The following ATXN7 variants were observed in gnomAD, a reference collection of about 807,000 sequenced individuals.
The protein encoded by ATXN7 is ataxin 7.
ATXN7 carries 12 observed loss-of-function variants against 70.5 expected under a neutral mutation model. That is an observed-to-expected ratio of 0.17 (90% CI 0.11 to 0.28). The LOEUF is 0.28. Among genes scored for constraint, ATXN7 ranks in the 10% least tolerant of loss-of-function variants. The probability of loss-of-function intolerance (pLI) is 1.00; values close to 1 mark genes in which losing one functional copy is unlikely to be tolerated. For synonymous variants in ATXN7, 498 were observed against 448.7 expected (o/e 1.11, Z -1.39); for missense variants, 1,256 against 1,131.7 (o/e 1.11, Z -1.58).
chr3:63,972,336 C>T (rs2075325168), intron 5 of ATXN7, among the ~76,000 whole-genome samples: 2 of 152,048 alleles, frequency 1.3e-5, no homozygotes, highest in Admixed American at 6.6e-5. Context: ...TTTAAATGGG[C>T]GTCATTATGG....
rs756894318 is a variant in ATXN7, at chr3:63,982,495, G to A, written c.1012+50G>A. ...TAATGCTTCTCTATATATTAAATGG[G>A]CATTCGTGGGGAGCAAATCAACTGC... On this transcript the variant is annotated intron_variant, in intron 7 of 12. Coordinates refer to ENST00000674280, the MANE Select transcript of ATXN7 (RefSeq NM_001377405.1). 17 of 1,452,542 alleles carry A rather than the reference G, an allele frequency of 1.2e-5. No homozygotes were observed. In the South Asian group the frequency reaches 2.0e-4, roughly 17 times the overall value. The allele number at this position is 1,452,542 out of a possible 1,614,324, so 90.0% of individuals were successfully genotyped here.
intron 1 of ATXN7, among the ~76,000 whole-genome samples, chr3:63,890,292 CTATT>C (rs1703217584): frequency 6.6e-6 from 1 of 152,120 alleles, no homozygotes; most frequent in Non-Finnish European, 1.5e-5. Flanking sequence ...ATAATTATAT[CTATT>C]AATTTGTATA....
At chr3:63,969,832 T>A (rs887463192) in intron 5 of ATXN7, among the ~76,000 whole-genome samples, 1 of 152,216 alleles carries the variant, frequency 6.6e-6, no homozygotes, top group Non-Finnish European at 1.5e-5. Context: ...GAGGATTGAA[T>A]CAAAAGTAGC....
rs1220694282 is a variant in ATXN7 at position 63,916,695 on chromosome 3, T to C, written c.394+3470T>C. On this transcript the variant is annotated intron_variant, in intron 4 of 12. Coordinates refer to ENST00000674280, the MANE Select transcript of ATXN7 (RefSeq NM_001377405.1). ...TCTTGATTTAGATGGAGGGAAATTA[T>C]TTGTGGTTTAGGTAGTATATCATTC... is the stretch of plus-strand genomic sequence containing the variant. Among the ~76,000 whole-genome samples the C allele has an allele frequency of 3.9e-5, 6 of 152,204 alleles. No individual in the cohort carries two copies. In the East Asian group the frequency reaches 1.2e-3, roughly 29 times the overall value.
rs200285154 is a variant in ATXN7 at position 63,919,599 on chromosome 3, CT to C, written c.394+6383del. Among the ~76,000 whole-genome samples the C allele has an allele frequency of 9.6e-3, 1,454 of 151,336 alleles. 21 individuals are homozygous for C. Among genetic ancestry groups the C allele is most frequent in the African/African-American group, 0.031 (1,299 of 41,268 alleles). ...TTTGTCCACTTTTATCATTCACTAT[CT>C]TTTTTTTTAATTATTATACTTTAAG... is the stretch of plus-strand genomic sequence containing the variant. On this transcript the variant is annotated intron_variant, in intron 4 of 12. Transcript: ENST00000674280.
In ATXN7 at chr3:63,990,180, C is replaced by T. The variant is rs2075646453; in HGVS notation, c.1366C>T (p.Pro456Ser). 5 of 1,612,798 alleles carry T rather than the reference C, an allele frequency of 3.1e-6. No homozygotes were observed. The highest frequency in any genetic ancestry group is 1.7e-5 in the Admixed American group (1 of 59,990). ...KPHTPSLPRP[P>S]GCPAQQGGSA... ...CTGCACTTTCTACTCACCAAGGCCT[C>T]CAGGCTGCCCTGCTCAGCAAGGTGG... The change falls in exon 10 of 13, where the codon CCA (proline) becomes TCA (serine). Residue 456 changes from proline (P) to serine (S), a missense_variant. Physicochemically the swap from Pro to Ser is moderately conservative, Grantham distance 74 (BLOSUM62 -1). Coordinates refer to ENST00000674280, the MANE Select transcript of ATXN7 (RefSeq NM_001377405.1).
intron 4 of ATXN7, 152 bp from the exon 5 acceptor site, chr3:63,952,227 T>G (rs1177108310): frequency 2.2e-6 from 1 of 461,926 alleles, no homozygotes; most frequent in East Asian, 3.4e-5. Context: ...CCTGATTTGA[T>G]TTCTCTGTTT....
chr3:63,954,979 G>T (rs766575157), intron 5 of ATXN7, among the ~76,000 whole-genome samples: 1 of 152,096 alleles, frequency 6.6e-6, no homozygotes, highest in Non-Finnish European at 1.5e-5. Context: ...AAAGTACAGG[G>T]AATATAGGCA....
At chr3:63,976,285 G>T (rs1025888279) in intron 5 of ATXN7, among the ~76,000 whole-genome samples, 1 of 152,178 alleles carries the variant, frequency 6.6e-6, no homozygotes, top group African/African-American at 2.4e-5. Context: ...TTTCCTTCTT[G>T]CTTTCTTGTG....
chr3:63,889,249 A>G (rs1703184459), intron 1 of ATXN7, among the ~76,000 whole-genome samples: 2 of 152,244 alleles, frequency 1.3e-5, no homozygotes, highest in African/African-American at 4.8e-5. Flanking sequence ...AGATATTACA[A>G]TTGATGAAGA....
intron 1 of ATXN7, among the ~76,000 whole-genome samples, chr3:63,895,637 CAG>C (rs1703418011): frequency 6.6e-6 from 1 of 152,132 alleles, no homozygotes; most frequent in African/African-American, 2.4e-5. Context: ...TTGGGCCACT[CAG>C]GGGCTATGGC....
At position 63,912,773 on chromosome 3, in the gene ATXN7, C is replaced by A; in HGVS notation, c.175C>A (p.Arg59=). Residue 59 remains arginine, a synonymous_variant, in exon 3 of 13, where the codon CGG becomes AGG. Transcript: ENST00000674280. ...QHPPPPPRRT[R]PEDGGPGAAS... Reference sequence around the variant, plus strand: ...CCCGCCACCGCCGCCACGGCGCACACGGCCGGAGGACGGCGGGCCCGGCGC... The same window carrying A: ...CCCGCCACCGCCGCCACGGCGCACAAGGCCGGAGGACGGCGGGCCCGGCGC... 1 of 1,467,818 alleles carries A rather than the reference C, an allele frequency of 6.8e-7. No individual in the cohort carries two copies. Among genetic ancestry groups the A allele is most frequent in the Non-Finnish European group, 9.0e-7 (1 of 1,111,212 alleles). The allele number at this position is 1,467,818 out of a possible 1,614,324, so 90.9% of individuals were successfully genotyped here. A position where few individuals can be genotyped will look rare whatever the true frequency, so the allele number is the denominator to read the frequency against.
At chr3:63,994,557 G>T (rs546772225) in intron 11 of ATXN7, among the ~76,000 whole-genome samples, 1 of 152,258 alleles carries the variant, frequency 6.6e-6, no homozygotes, top group African/African-American at 2.4e-5. Context: ...TAAAGCATTT[G>T]CAAATACTTG....
intron 5 of ATXN7, 100 bp from the exon 6 acceptor site, chr3:63,979,815 T>A (rs2075456042): frequency 6.6e-7 from 1 of 1,513,036 alleles, no homozygotes; most frequent in East Asian, 2.3e-5. Flanking sequence ...TAACGACACG[T>A]GTTTTAACCT....
chr3:63,877,927 C>T (rs1047580522), intron 1 of ATXN7, among the ~76,000 whole-genome samples: 2 of 152,152 alleles, frequency 1.3e-5, no homozygotes, highest in African/African-American at 2.4e-5. Context: ...ATATGCCAGT[C>T]CTCTCCTGTG....
chr3:63,998,063 TGA>T (rs2075788353), intron 12 of ATXN7: 1 of 985,298 alleles, frequency 1.0e-6, no homozygotes, highest in African/African-American at 1.7e-5. Flanking sequence ...GCACCGTCTT[TGA>T]GAGAGACATG....
chr3:63,910,656 A>C (rs1340302715), intron 2 of ATXN7, among the ~76,000 whole-genome samples: 1 of 152,208 alleles, frequency 6.6e-6, no homozygotes, highest in East Asian at 1.9e-4. Flanking sequence ...TTATGGAGGA[A>C]GTTAAAGCTG....
chr3:63,928,269 C>G (rs1182439740), intron 4 of ATXN7, among the ~76,000 whole-genome samples: 1 of 152,128 alleles, frequency 6.6e-6, no homozygotes, highest in Non-Finnish European at 1.5e-5. Context: ...CCACTGCATT[C>G]CAGCCTGGGT....
At chr3:63,874,703 C>G (rs1472796525) in intron 1 of ATXN7, among the ~76,000 whole-genome samples, 1 of 152,184 alleles carries the variant, frequency 6.6e-6, no homozygotes, top group Non-Finnish European at 1.5e-5. Context: ...GCAGAAGCTC[C>G]TTTTCTGGAT....
Sources: allele counts gnomAD v4.1 joint callset (sites outside exome capture counted in the v4.1 genomes callset), GRCh38; gene constraint gnomAD v4.1.1; transcripts MANE v1.5; gene names NCBI Gene and HGNC (gene_info 2026-07-23, HGNC 2026-07-21).